Variants in C8orf34 observed in about 807,000 individuals in gnomAD.
C8orf34 encodes chromosome 8 open reading frame 34.
Under a neutral mutation model 68.3 loss-of-function variants are expected in C8orf34, and 65 were observed. The observed-to-expected ratio is 0.95, with a 90% CI of 0.78 to 1.17. The LOEUF (loss-of-function observed/expected upper bound fraction) is 1.17. C8orf34 is among the 50% of genes most tolerant of loss of function. The pLI, the probability that C8orf34 is intolerant of heterozygous loss-of-function variation, is 0.00. For missense variants in C8orf34, 664 were observed against 655.4 expected, an observed-to-expected ratio of 1.01 and a Z score of -0.14; for synonymous variants, 244 against 241.2, an observed-to-expected ratio of 1.01 and a Z score of -0.11.
intron 4 of C8orf34, among the ~76,000 whole-genome samples, chr8:68,482,959 A>AT (rs1812923895): frequency 1.4e-5 from 2 of 146,908 alleles, no homozygotes; most frequent in South Asian, 4.4e-4. Flanking sequence ...GGGGAGTCTA[A>AT]TTTTCTACAT....
At chr8:68,786,957 G>A (rs926223446) in intron 11 of C8orf34, among the ~76,000 whole-genome samples, 8 of 152,074 alleles carry the variant, frequency 5.3e-5, no homozygotes, top group Admixed American at 6.5e-5. Flanking sequence ...CAGCAAGGAA[G>A]TATATGAGAA....
At chr8:68,395,927 T>C (rs1354973781) in intron 1 of C8orf34, among the ~76,000 whole-genome samples, 1 of 152,110 alleles carries the variant, frequency 6.6e-6, no homozygotes, top group Non-Finnish European at 1.5e-5. Context: ...TAAGTGTACA[T>C]AGTGATGGCA....
intron 11 of C8orf34, among the ~76,000 whole-genome samples, chr8:68,780,679 G>A (rs1263825268): frequency 6.6e-6 from 1 of 152,074 alleles, no homozygotes; most frequent in African/African-American, 2.4e-5. Flanking sequence ...CAGCACTTTG[G>A]GAGGCCGAGG....
chr8:68,337,652 A>G (rs1382163319), intron 1 of C8orf34, among the ~76,000 whole-genome samples: 1 of 152,226 alleles, frequency 6.6e-6, no homozygotes, highest in South Asian at 2.1e-4. Context: ...ATTACTAAAA[A>G]TAATTTTAAA....
intron 7 of C8orf34, among the ~76,000 whole-genome samples, chr8:68,593,738 G>A (rs1817463683): frequency 6.6e-6 from 1 of 151,716 alleles, no homozygotes; most frequent in South Asian, 2.1e-4. Flanking sequence ...GTACCTTTTA[G>A]TTTTATTAAT....
intron 7 of C8orf34, among the ~76,000 whole-genome samples, chr8:68,600,265 C>A (rs1020426701): frequency 3.3e-5 from 5 of 152,104 alleles, no homozygotes; most frequent in Non-Finnish European, 5.9e-5. Flanking sequence ...GCCCTTTATC[C>A]TTTCAACCTT....
chr8:68,335,247 A>G (rs1805801710), intron 1 of C8orf34, among the ~76,000 whole-genome samples: 1 of 152,208 alleles, frequency 6.6e-6, no homozygotes, highest in Admixed American at 6.5e-5. Flanking sequence ...CCAGAAAGAT[A>G]TTTTAATGTT....
Position 68,757,815 on chromosome 8 carries a change from C to G in C8orf34, c.1405-18584C>G, listed in dbSNP as rs140259649. 1.1e-3 allele frequency among the ~76,000 whole-genome samples: 171 copies of G among 152,240 alleles called. 1 individual carries two copies. Among genetic ancestry groups the G allele is most frequent in the African/African-American group, 3.9e-3 (163 of 41,534 alleles). ...GAGTTCCAGAGACCCATGGTCAAAT[C>G]TGGCTTGGTTTTTTAGCTCTAAGAT... On this transcript the variant is annotated intron_variant, in intron 10 of 13. Coordinates refer to ENST00000518698, the MANE Select transcript of C8orf34 (RefSeq NM_052958.4).
intron 10 of C8orf34, among the ~76,000 whole-genome samples, chr8:68,738,837 G>A (rs767108185): frequency 9.2e-5 from 14 of 152,094 alleles, no homozygotes; most frequent in Non-Finnish European, 1.8e-4. Context: ...TGGATTCACA[G>A]CTGAATTCTA....
chr8:68,606,423 T>G (rs572306260), intron 7 of C8orf34, among the ~76,000 whole-genome samples: 1 of 152,250 alleles, frequency 6.6e-6, no homozygotes, highest in African/African-American at 2.4e-5. Context: ...AACAAAATAT[T>G]TATGGATAAA....
At chr8:68,490,724 C>G (rs1169217829) in intron 5 of C8orf34, among the ~76,000 whole-genome samples, 1 of 152,040 alleles carries the variant, frequency 6.6e-6, no homozygotes, top group Non-Finnish European at 1.5e-5. Context: ...AAATCGACCC[C>G]ACTTTTGCAT....
chr8:68,725,198 A>G (rs1028313115), intron 10 of C8orf34, among the ~76,000 whole-genome samples: 6 of 152,220 alleles, frequency 3.9e-5, no homozygotes, highest in African/African-American at 1.4e-4. Flanking sequence ...AGTATTAAAT[A>G]AACATATGGG....
Position 68,535,751 on chromosome 8 carries a change from C to G in C8orf34, c.1105+2602C>G, listed in dbSNP as rs150512819. On this transcript the variant is annotated intron_variant, in intron 7 of 13. Coordinates refer to ENST00000518698, the MANE Select transcript of C8orf34 (RefSeq NM_052958.4). Reference sequence around the variant, plus strand: ...ATTTTCTGTAAGATTGCTTTAAATGCTCCTTATAAATTCACATTGCAAAAG... The same window carrying G: ...ATTTTCTGTAAGATTGCTTTAAATGGTCCTTATAAATTCACATTGCAAAAG... 1,159 of 949,538 alleles carry G rather than the reference C, an allele frequency of 1.2e-3. 9 individuals carry two copies. The African/African-American group carries it at 0.019, about 16-fold the overall frequency. 58.8% of individuals were successfully genotyped at this position (949,538 alleles called of 1,614,324 possible).
At chr8:68,576,032 G>A (rs964584552) in intron 7 of C8orf34, among the ~76,000 whole-genome samples, 3 of 145,496 alleles carry the variant, frequency 2.1e-5, no homozygotes, top group African/African-American at 7.7e-5. Context: ...GTCAGAAATG[G>A]CTGCCAATCA....
chr8:68,432,117 T>C (rs999470475), intron 1 of C8orf34, among the ~76,000 whole-genome samples: 2 of 151,926 alleles, frequency 1.3e-5, no homozygotes, highest in Admixed American at 6.6e-5. Flanking sequence ...GGTGGGTTGT[T>C]GGTGAGGGTC....
At chr8:68,554,673 A>T (rs192378759) in intron 7 of C8orf34, among the ~76,000 whole-genome samples, 22 of 152,004 alleles carry the variant, frequency 1.4e-4, no homozygotes, top group African/African-American at 5.1e-4. Flanking sequence ...TTTAATTTTC[A>T]TAATAACCCT....
rs1378755979 is a variant in C8orf34, at chr8:68,575,964, T to G, written c.1105+42815T>G. On this transcript the variant is annotated intron_variant, in intron 7 of 13. Transcript: ENST00000518698. ...AATGCTAGTAGATGGTTGTTTTTTT[T>G]TTTTTTTTTTTTTGCCTTTGCTACT... 4.0e-4 allele frequency among the ~76,000 whole-genome samples: 61 copies of G among 150,642 alleles called. 1 individual carries two copies. The East Asian group carries it at 7.7e-3, about 19-fold the overall frequency.
At chr8:68,665,362 C>A (rs1043771631) in intron 8 of C8orf34, among the ~76,000 whole-genome samples, 11 of 152,080 alleles carry the variant, frequency 7.2e-5, no homozygotes, top group African/African-American at 2.7e-4. Flanking sequence ...AATTACGTTA[C>A]CTAAAGGAAT....
intron 10 of C8orf34, among the ~76,000 whole-genome samples, chr8:68,742,382 TA>T (rs1057343632): frequency 6.6e-6 from 1 of 152,196 alleles, no homozygotes; most frequent in African/African-American, 2.4e-5. Flanking sequence ...ATCAAGCAAG[TA>T]AAACCAAACA....
Sources: gnomAD v4.1 joint callset for allele counts (sites outside exome capture counted in the v4.1 genomes callset) on GRCh38, gnomAD v4.1.1 for gene constraint, MANE v1.5 for transcripts, NCBI Gene and HGNC (gene_info 2026-07-23, HGNC 2026-07-21) for gene names.